Variants in ELL3 observed in about 807,000 individuals in gnomAD.
The protein encoded by ELL3 is elongation factor for RNA polymerase II 3, also known as RNA polymerase II elongation factor ELL3.
ELL3 carries 48 observed loss-of-function variants against 58.5 expected under a neutral mutation model. That is an observed-to-expected ratio of 0.82 (90% CI 0.65 to 1.04). The LOEUF (loss-of-function observed/expected upper bound fraction) is 1.04. Ranked by LOEUF, ELL3 falls within the 50% of genes least tolerant of loss-of-function variation. The probability of loss-of-function intolerance (pLI) is 0.00; values close to 1 mark genes in which losing one functional copy is unlikely to be tolerated. For synonymous variants in ELL3, 174 were observed against 173.2 expected (o/e 1.00, Z -0.04); for missense variants, 458 against 478.4 (o/e 0.96, Z 0.40).
Position 43,773,141 on chromosome 15 carries a change from A to G in ELL3, c.1169T>C (p.Phe390Ser), listed in dbSNP as rs761289258. ...LSHIKGLILEFEEKNRGS is the reference protein window; with the variant it reads ...LSHIKGLILESEEKNRGS ...TCAGCTGCCCCTGTTCTTTTCCTCA[A>G]ACTCCAGGATGAGACCTTTAATGTG... is the stretch of plus-strand genomic sequence containing the variant. Residue 390 changes from phenylalanine (F) to serine (S), a missense_variant, in exon 11 of 11, where the codon TTT becomes TCT. By Grantham distance (155) the Phe-to-Ser change is radical. Transcript: ENST00000319359. 1.9e-5 allele frequency: 31 copies of G among 1,610,140 alleles called. No individual in the cohort carries two copies. The highest frequency in any genetic ancestry group is 2.5e-5 in the Non-Finnish European group (29 of 1,179,036).
Position 43,776,032 on chromosome 15 carries a change from CCCTCA to C in ELL3, c.281+2_281+6del. The C allele has an allele frequency of 6.2e-7, 1 of 1,613,978 alleles. No homozygotes were observed. Among genetic ancestry groups the C allele is most frequent in the Non-Finnish European group, 8.5e-7 (1 of 1,179,948 alleles). On this transcript the variant is annotated splice_donor_variant and splice_donor_5th_base_variant and intron_variant, in intron 3 of 10. Coordinates refer to ENST00000319359, the MANE Select transcript of ELL3 (RefSeq NM_025165.3). LOFTEE classifies it high-confidence loss of function. ...CCCTTTCTTGCCGGCTACCTGTTCC[CCCTCA>C]CCTGAGGAAGCGTTGGCACACAAGG...
Position 43,776,154 on chromosome 15 carries a change from G to T in ELL3, c.169-3C>A, listed in dbSNP as rs78513225. 3.1e-5 allele frequency: 50 copies of T among 1,612,650 alleles called. 1 individual carries two copies. The African/African-American group carries it at 6.0e-4, about 19-fold the overall frequency. On this transcript the variant is annotated splice_region_variant and splice_polypyrimidine_tract_variant and intron_variant, in intron 2 of 10. Transcript: ENST00000319359. ...CCAGGGCCTGGGAGTCTCAGATACTGGGGGTGGAAGGAGACGGTAAGCCCC... is the reference window on the plus strand; with the variant it reads ...CCAGGGCCTGGGAGTCTCAGATACTTGGGGTGGAAGGAGACGGTAAGCCCC...
In ELL3 at chr15:43,775,880, G is replaced by T. The variant is rs137982948; in HGVS notation, c.325C>A (p.Arg109Ser). The change falls in exon 4 of 11, where the codon CGC (arginine) becomes AGC (serine). Residue 109 changes from arginine to serine, a missense_variant. By Grantham distance (110) the Arg-to-Ser change is moderately radical (BLOSUM62 -1). Coordinates refer to ENST00000319359, the MANE Select transcript of ELL3 (RefSeq NM_025165.3). ...TCCATGGCTGCCCAAATAATGAGGC[G>T]CTCCCTGAGTGAGCCCAGGCAGTGG... is the stretch of plus-strand genomic sequence containing the variant. ...SLHCLGSLRE[R>S]LIIWAAMDSI... The T allele has an allele frequency of 6.4e-5, 104 of 1,614,140 alleles. No homozygotes were observed. In the African/African-American group the frequency reaches 1.1e-3, roughly 18 times the overall value.
At position 43,773,154 on chromosome 15, in the gene ELL3, G is replaced by C. The variant is rs1209709743; in HGVS notation, c.1156C>G (p.Leu386Val). 1 of 1,613,508 alleles carries C rather than the reference G, an allele frequency of 6.2e-7. No homozygotes were observed. The highest frequency in any genetic ancestry group is 1.1e-5 in the South Asian group (1 of 90,978). ...TTCTTTTCCTCAAACTCCAGGATGAGACCTTTAATGTGGGACAATTTCTGG... is the reference window on the plus strand; with the variant it reads ...TTCTTTTCCTCAAACTCCAGGATGACACCTTTAATGTGGGACAATTTCTGG... ...LHQKLSHIKG[L>V]ILEFEEKNRG... is the part of the protein sequence containing the mutation. The change falls in exon 11 of 11, where the codon CTC becomes GTC. Residue 386 changes from leucine to valine, a missense_variant. By Grantham distance (32) the Leu-to-Val change is conservative. Transcript: ENST00000319359.
At position 43,776,031 on chromosome 15, in the gene ELL3, C is replaced by A; in HGVS notation, c.281+8G>T. ...ACCCTTTCTTGCCGGCTACCTGTTC[C>A]CCCTCACCTGAGGAAGCGTTGGCAC... is the stretch of plus-strand genomic sequence containing the variant. On this transcript the variant is annotated splice_region_variant and intron_variant, in intron 3 of 10. Transcript: ENST00000319359. The A allele has an allele frequency of 1.2e-6, 2 of 1,613,964 alleles. No individual in the cohort carries two copies. The highest frequency in any genetic ancestry group is 1.1e-5 in the South Asian group (1 of 91,072).
chr15:43,776,285 C>T, intron 2 of ELL3, 134 bp from the exon 3 acceptor site: 1 of 1,093,102 alleles, frequency 9.1e-7, no homozygotes, highest in South Asian at 1.4e-5. Context: ...CCAGGTGCAG[C>T]TGGGCCTGAG....
chr15:43,773,413 G>A, intron 9 of ELL3, 65 bp from the exon 10 acceptor site: 1 of 1,574,812 alleles, frequency 6.3e-7, no homozygotes, highest in Non-Finnish European at 8.7e-7. Flanking sequence ...GCCAGGCATG[G>A]TGGCTCACGC....
intron 8 of ELL3, 43 bp downstream of exon 8, chr15:43,774,433 T>C: frequency 1.9e-6 from 3 of 1,613,868 alleles, no homozygotes; most frequent in Non-Finnish European, 2.5e-6. Flanking sequence ...TATCTTAATA[T>C]ATGAACAAGT....
At chr15:43,773,416 G>T in intron 9 of ELL3, 68 bp from the exon 10 acceptor site, 1 of 1,558,270 alleles carries the variant, frequency 6.4e-7, no homozygotes, top group Non-Finnish European at 8.8e-7. Flanking sequence ...AGGCATGGTG[G>T]CTCACGCCTG....
intron 4 of ELL3, 42 bp from the exon 5 acceptor site, chr15:43,775,652 C>T (rs369931248): frequency 1.9e-6 from 3 of 1,614,066 alleles, no homozygotes; most frequent in African/African-American, 1.3e-5. Flanking sequence ...CCCTGGAGTA[C>T]TGGGATACCT....
Position 43,776,491 on chromosome 15 carries a change from C to A in ELL3, c.168+18G>T. The A allele has an allele frequency of 2.6e-6, 4 of 1,561,564 alleles. No homozygotes were observed. Among genetic ancestry groups the A allele is most frequent in the Non-Finnish European group, 3.5e-6 (4 of 1,151,586 alleles). On this transcript the variant is annotated intron_variant, in intron 2 of 10. Coordinates refer to ENST00000319359, the MANE Select transcript of ELL3 (RefSeq NM_025165.3). ...CCCTCGCCCTCACCTCGCTCACACACCCTGAGCTCGCACTTACCCCTCGGT... is the reference window on the plus strand; with the variant it reads ...CCCTCGCCCTCACCTCGCTCACACAACCTGAGCTCGCACTTACCCCTCGGT...
At position 43,774,275 on chromosome 15, in the gene ELL3, G is replaced by T. The variant is rs755901382; in HGVS notation, c.945C>A (p.Arg315=). ...CAGTCCCAACACGGGCATGCAGGAT[G>T]CGGTATTCAGCATAATCTGTCTCAA... ...QDFETDYAEY[R]ILHARVGTAS... is the part of the protein sequence containing the mutation. The change falls in exon 9 of 11, where the codon CGC becomes CGA. Residue 315 remains arginine (R), a synonymous_variant. Transcript: ENST00000319359. 2 of 1,614,200 alleles carry T rather than the reference G, an allele frequency of 1.2e-6. No individual in the cohort carries two copies. The highest frequency in any genetic ancestry group is 1.7e-6 in the Non-Finnish European group (2 of 1,180,044).
At chr15:43,776,403 A>T (rs2086917304) in intron 2 of ELL3, 106 bp downstream of exon 2, 1 of 1,512,874 alleles carries the variant, frequency 6.6e-7, no homozygotes, top group African/African-American at 1.4e-5. Flanking sequence ...ACTACCTCAG[A>T]CCGTGACTAC....
At chr15:43,776,362 T>G (rs1412146490) in intron 2 of ELL3, 147 bp downstream of exon 2, 65 of 1,351,448 alleles carry the variant, frequency 4.8e-5, no homozygotes, top group Non-Finnish European at 4.1e-6. Flanking sequence ...CCCAGCAGCC[T>G]CCTCGCCCCA....
Position 43,776,030 on chromosome 15 carries a change from C to A in ELL3, c.281+9G>T, listed in dbSNP as rs111431125. On this transcript the variant is annotated intron_variant, in intron 3 of 10. Transcript: ENST00000319359. The stretch of plus-strand genomic sequence containing the variant: ...AACCCTTTCTTGCCGGCTACCTGTT[C>A]CCCCTCACCTGAGGAAGCGTTGGCA... 1.9e-5 allele frequency: 30 copies of A among 1,613,788 alleles called. No homozygotes were observed. In the East Asian group the frequency reaches 6.7e-4, roughly 36 times the overall value.
At chr15:43,774,033 A>G in intron 9 of ELL3, 149 bp downstream of exon 9, 1 of 993,154 alleles carries the variant, frequency 1.0e-6, no homozygotes, top group Non-Finnish European at 1.5e-6. Context: ...TTCCCTTCTC[A>G]TTCTACCAAA....
At position 43,775,768 on chromosome 15, in the gene ELL3, T is replaced by G. The variant is rs775733605; in HGVS notation, c.437A>C (p.Tyr146Ser). The G allele has an allele frequency of 1.9e-6, 3 of 1,614,232 alleles. No homozygotes were observed. Among genetic ancestry groups the G allele is most frequent in the Non-Finnish European group, 2.5e-6 (3 of 1,180,040 alleles). ...CTGTGATACTGCATCTCCTTCAGAA[T>G]AGCCTCCTGTGTTCTGCCAACTCTC... ...HPESWQNTGG[Y>S]SEGDAVSQPQ... is the part of the protein sequence containing the mutation. The change falls in exon 4 of 11, where the codon TAT (tyrosine) becomes TCT (serine). Residue 146 changes from tyrosine to serine, a missense_variant. By Grantham distance (144) the Tyr-to-Ser change is moderately radical. Transcript: ENST00000319359.
chr15:43,774,284 A>G lies in ELL3; in HGVS notation c.936T>C (p.Ala312=), dbSNP rs374231401. Residue 312 remains alanine (A), a synonymous_variant, in exon 9 of 11, where the codon GCT becomes GCC. Transcript: ENST00000319359. ...AYEQDFETDY[A]EYRILHARVG... Reference sequence around the variant, plus strand: ...CACGGGCATGCAGGATGCGGTATTCAGCATAATCTGTCTCAAAGTCCTGCT... The same window carrying G: ...CACGGGCATGCAGGATGCGGTATTCGGCATAATCTGTCTCAAAGTCCTGCT... The G allele has an allele frequency of 3.1e-5, 50 of 1,614,118 alleles. No homozygotes were observed. The highest frequency in any genetic ancestry group is 4.1e-5 in the Non-Finnish European group (48 of 1,180,056).
In ELL3 at chr15:43,774,491, A is replaced by G. The variant is rs373912534; in HGVS notation, c.851T>C (p.Ile284Thr). ...AGGAACTCACAGGAGGTAGTCTGGT[A>G]TATCTTCAGGACTTGGGGATTCAGA... The part of the protein sequence containing the change: ...EDSESPSPED[I>T]PDYLLQYRAI... The change falls in exon 8 of 11, where the codon ATA becomes ACA. Residue 284 changes from isoleucine to threonine, a missense_variant. Transcript: ENST00000319359. The G allele has an allele frequency of 3.7e-6, 6 of 1,614,228 alleles. No homozygotes were observed. Among genetic ancestry groups the G allele is most frequent in the South Asian group, 3.3e-5 (3 of 91,090 alleles).
Sources: gnomAD v4.1 joint callset for allele counts on GRCh38, gnomAD v4.1.1 for gene constraint, MANE v1.5 for transcripts, NCBI Gene and HGNC (gene_info 2026-07-23, HGNC 2026-07-21) for gene names.